MED13L: variants seen among roughly 807,000 people sequenced by gnomAD.
MED13L encodes mediator of RNA polymerase II transcription subunit 13-like.
A neutral mutation model predicts 220.9 loss-of-function variants in MED13L; 7 were observed. The ratio of observed to expected loss-of-function variants is 0.03; its 90% CI spans 0.02 to 0.06. The LOEUF is 0.06. Among genes scored for constraint, MED13L ranks in the 10% least tolerant of loss-of-function variants. The pLI is 1.00. For missense variants in MED13L, 1,965 were observed against 2,760.5 expected (o/e 0.71, Z 6.46); for synonymous variants, 1,011 against 1,015.2 (o/e 1.00, Z 0.08).
chr12:116,036,948 T>A (rs1193562834), intron 4 of MED13L, among the ~76,000 whole-genome samples: 1 of 152,202 alleles, frequency 6.6e-6, no homozygotes, highest in East Asian at 1.9e-4. Flanking sequence ...TGAGGTACTC[T>A]TACTATTTCA....
chr12:116,236,969 T>C lies in MED13L; in HGVS notation c.310+499A>G, dbSNP rs926286748. On this transcript the variant is annotated intron_variant, in intron 2 of 30. Transcript: ENST00000281928. ...TACACCCAATTCAGACCAGATCCCA[T>C]ATATTCATCTTTCCTCAAAATACTA... 1.1e-5 allele frequency: 6 copies of C among 553,900 alleles called. No individual in the cohort carries two copies. The African/African-American group carries it at 1.2e-4, about 12-fold the overall frequency. 34.3% of individuals were successfully genotyped at this position (553,900 alleles called of 1,614,324 possible).
At chr12:116,072,769 G>GAAAT (rs764058341) in intron 4 of MED13L, among the ~76,000 whole-genome samples, 2 of 152,234 alleles carry the variant, frequency 1.3e-5, no homozygotes, top group Non-Finnish European at 2.9e-5. Flanking sequence ...GGGAAGAACA[G>GAAAT]AAATCCAAGC....
At chr12:116,115,165 T>C (rs1874402895) in intron 2 of MED13L, among the ~76,000 whole-genome samples, 1 of 152,108 alleles carries the variant, frequency 6.6e-6, no homozygotes, top group South Asian at 2.1e-4. Flanking sequence ...AGGTTTAGTA[T>C]GAATTAGGAT....
At chr12:116,008,271 C>T (rs770591008) in intron 10 of MED13L, 130 bp downstream of exon 10, 81 of 1,282,038 alleles carry the variant, frequency 6.3e-5, no homozygotes, top group Non-Finnish European at 8.1e-5. Context: ...AAACATTTTC[C>T]ATATCCGGAG....
chr12:116,191,536 G>A (rs60997353), intron 2 of MED13L, among the ~76,000 whole-genome samples: 1 of 151,854 alleles, frequency 6.6e-6, no homozygotes, highest in Admixed American at 6.6e-5. Context: ...CACCATGTTG[G>A]CCAGGCTGGT....
At chr12:115,986,968 A>C in intron 18 of MED13L, 141 bp downstream of exon 18, 1 of 908,752 alleles carries the variant, frequency 1.1e-6, no homozygotes, top group East Asian at 2.6e-5. Flanking sequence ...TTAGGAAAAC[A>C]AAGAGATTAT....
At chr12:116,209,476 G>A (rs553917953) in intron 2 of MED13L, among the ~76,000 whole-genome samples, 1 of 152,076 alleles carries the variant, frequency 6.6e-6, no homozygotes, top group Non-Finnish European at 1.5e-5. Context: ...TTACAACTGT[G>A]ACACATTCTC....
chr12:116,075,332 C>T (rs953021814), intron 4 of MED13L, among the ~76,000 whole-genome samples: 3 of 152,186 alleles, frequency 2.0e-5, no homozygotes, highest in Non-Finnish European at 1.5e-5. Context: ...ACCACTTAAT[C>T]TCACAAGGCT....
In MED13L at chr12:116,237,372, G is replaced by A. The variant is rs561582900; in HGVS notation, c.310+96C>T. 147 of 994,096 alleles carry A rather than the reference G, an allele frequency of 1.5e-4. No homozygotes were observed. In the South Asian group the frequency reaches 1.6e-3, roughly 11 times the overall value. 61.6% of individuals were successfully genotyped at this position (994,096 alleles called of 1,614,324 possible). A position where few individuals can be genotyped will look rare whatever the true frequency, so the allele number is the denominator to read the frequency against. On this transcript the variant is annotated intron_variant, in intron 2 of 30. Transcript: ENST00000281928. ...AGACATCCATGAAACACTTAAGATC[G>A]TTCTTTTAGACAAGTCTTAATAATC...
At chr12:116,075,792 TGGC>T (rs1870736591) in intron 4 of MED13L, among the ~76,000 whole-genome samples, 1 of 152,154 alleles carries the variant, frequency 6.6e-6, no homozygotes, top group Admixed American at 6.6e-5. Flanking sequence ...GAAGCTATAG[TGGC>T]ACCAGATAGT....
intron 2 of MED13L, among the ~76,000 whole-genome samples, chr12:116,149,134 GC>G (rs1877824526): frequency 6.6e-6 from 1 of 152,100 alleles, no homozygotes; most frequent in African/African-American, 2.4e-5. Context: ...TCCCATCTCT[GC>G]TTATTACTAT....
chr12:116,190,983 T>C (rs1881237848), intron 2 of MED13L, among the ~76,000 whole-genome samples: 1 of 151,404 alleles, frequency 6.6e-6, no homozygotes, highest in African/African-American at 2.4e-5. Flanking sequence ...TCCCAGCTAC[T>C]CGGGATGCTG....
In MED13L at chr12:115,959,187, C is replaced by T. The variant is rs1156452417; in HGVS notation, c.*2079G>A. ...ATCTATTGCCATTCATTTATTTTTG[C>T]ACAAAAACGTATAAATATGTCACCA... On this transcript the variant is annotated 3_prime_UTR_variant, in exon 31 of 31. Transcript: ENST00000281928. The T allele has an allele frequency of 1.3e-5, 2 of 152,378 alleles. No individual in the cohort carries two copies. The highest frequency in any genetic ancestry group is 4.8e-5 in the African/African-American group (2 of 41,372). 9.4% of individuals were successfully genotyped at this position (152,378 alleles called of 1,614,324 possible). A position where few individuals can be genotyped will look rare whatever the true frequency, so the allele number is the denominator to read the frequency against.
In MED13L at chr12:116,241,235, G is replaced by A. The variant is rs1281889642; in HGVS notation, c.73-3530C>T. Among the ~76,000 whole-genome samples, 4 of 151,052 alleles carry A rather than the reference G, an allele frequency of 2.6e-5. No individual in the cohort carries two copies. The South Asian group carries it at 8.3e-4, about 32-fold the overall frequency. On this transcript the variant is annotated intron_variant, in intron 1 of 30. Coordinates refer to ENST00000281928, the MANE Select transcript of MED13L (RefSeq NM_015335.5). The stretch of plus-strand genomic sequence containing the variant: ...CAGGAGAATCGCTTGAACCCGGGAG[G>A]CAGAGGTTGTAGTGAGCCGAAATTG...
intron 2 of MED13L, among the ~76,000 whole-genome samples, chr12:116,190,911 G>A (rs933371539): frequency 5.3e-5 from 8 of 151,934 alleles, no homozygotes; most frequent in Non-Finnish European, 8.8e-5. Flanking sequence ...GAGCAATATG[G>A]TGAAACCCCA....
At chr12:116,095,876 T>A (rs1269586192) in intron 4 of MED13L, among the ~76,000 whole-genome samples, 1 of 152,116 alleles carries the variant, frequency 6.6e-6, no homozygotes, top group African/African-American at 2.4e-5. Context: ...GTATCAAGGA[T>A]TGCATTTAAA....
intron 28 of MED13L, among the ~76,000 whole-genome samples, chr12:115,968,242 T>C (rs979863326): frequency 1.3e-5 from 2 of 152,166 alleles, no homozygotes; most frequent in Non-Finnish European, 2.9e-5. Context: ...GCAGGAATCA[T>C]CTAACTGAAG....
intron 22 of MED13L, among the ~76,000 whole-genome samples, chr12:115,981,730 G>C (rs1877343527): frequency 6.6e-6 from 1 of 152,178 alleles, no homozygotes; most frequent in African/African-American, 2.4e-5. Flanking sequence ...AAAATATGCA[G>C]TCATTAAAAA....
intron 4 of MED13L, among the ~76,000 whole-genome samples, chr12:116,027,237 C>T (rs1175013481): frequency 6.6e-6 from 1 of 152,070 alleles, no homozygotes; most frequent in Non-Finnish European, 1.5e-5. Flanking sequence ...ACCTGTGCAA[C>T]ATGGCCAAAA....
Sources: gnomAD v4.1 joint callset for allele counts (sites outside exome capture counted in the v4.1 genomes callset) on GRCh38, gnomAD v4.1.1 for gene constraint, MANE v1.5 for transcripts, NCBI Gene and HGNC (gene_info 2026-07-23, HGNC 2026-07-21) for gene names.